CRAMP1: variants seen among roughly 807,000 people sequenced by gnomAD.
CRAMP1 encodes protein cramped-like.
Under a neutral mutation model 115.4 loss-of-function variants are expected in CRAMP1, and 50 were observed. The ratio of observed to expected loss-of-function variants is 0.43; its 90% CI spans 0.35 to 0.55. CRAMP1 has a LOEUF of 0.55. Among genes scored for constraint, CRAMP1 ranks in the 20% least tolerant of loss-of-function variants. The pLI, the probability that CRAMP1 is intolerant of heterozygous loss-of-function variation, is 0.01. For missense variants in CRAMP1, 1,679 were observed against 1,721.7 expected (o/e 0.98, Z 0.44); for synonymous variants, 866 against 745.4 (o/e 1.16, Z -2.64).
chr16:1,620,091 G>C (rs959970864), intron 2 of CRAMP1, among the ~76,000 whole-genome samples: 6 of 152,114 alleles, frequency 3.9e-5, no homozygotes, highest in African/African-American at 1.2e-4. Context: ...TTGCTTGAAG[G>C]GTCCCCCCAT....
chr16:1,666,450 C>A lies in CRAMP1; in HGVS notation c.2886C>A (p.Ala962=), dbSNP rs760973528. ...ASAIDLAATS[A]GILSGNPLPA... ...CTATCGACTTAGCAGCTACAAGTGC[C>A]GGCATCCTTTCCGGGAACCCCCTCC... The change falls in exon 16 of 21, where the codon GCC becomes GCA. Residue 962 remains alanine (A), a synonymous_variant. Coordinates refer to ENST00000397412, the MANE Select transcript of CRAMP1 (RefSeq NM_020825.4). The surrounding 1 kb of genome is among the most constrained non-coding windows in gnomAD (Gnocchi z 5.0). The A allele has an allele frequency of 6.2e-7, 1 of 1,613,590 alleles. No individual in the cohort carries two copies. Among genetic ancestry groups the A allele is most frequent in the Admixed American group, 1.7e-5 (1 of 59,976 alleles).
intron 2 of CRAMP1, among the ~76,000 whole-genome samples, chr16:1,624,682 G>T (rs2036494493): frequency 6.6e-6 from 1 of 152,114 alleles, no homozygotes; most frequent in Admixed American, 6.5e-5. Flanking sequence ...AGGTTCAAAC[G>T]ATTCTCCTGC....
chr16:1,655,894 G>C lies in CRAMP1; in HGVS notation c.1137G>C (p.Glu379Asp), dbSNP rs1191496741. Residue 379 changes from glutamate to aspartate, a missense_variant, in exon 10 of 21, where the codon GAG becomes GAC. Glu to Asp is a conservative substitution (Grantham distance 45). Around this residue, in one of 8 missense-constraint regions of CRAMP1, gnomAD observed 191 missense variants for 236.2 expected, o/e 0.81. Coordinates refer to ENST00000397412, the MANE Select transcript of CRAMP1 (RefSeq NM_020825.4). ...HEVRVRKTLE[E>D]RQLQDSCSAP... ...GCACTCAGCGGAAGACACTCGAGGA[G>C]CGGCAGCTGCAGGACTCATGCTCCG... 1.9e-6 allele frequency: 3 copies of C among 1,609,678 alleles called. No homozygotes were observed. The Middle Eastern group carries it at 5.0e-4, about 266-fold the overall frequency.
intron 3 of CRAMP1, among the ~76,000 whole-genome samples, chr16:1,629,807 T>C (rs1043768296): frequency 2.0e-5 from 3 of 152,214 alleles, no homozygotes; most frequent in African/African-American, 7.2e-5. Flanking sequence ...TTTTACTTTT[T>C]CTAAAGTTTT....
chr16:1,632,043 C>T (rs1000163863), intron 3 of CRAMP1, among the ~76,000 whole-genome samples, 169 bp from the exon 4 acceptor site: 14 of 152,164 alleles, frequency 9.2e-5, no homozygotes, highest in African/African-American at 2.9e-4. Context: ...CCTAAGGTTC[C>T]AGGGAGTCGA....
At chr16:1,652,097 GCTT>G (rs770420280) in intron 6 of CRAMP1, among the ~76,000 whole-genome samples, 20 of 152,204 alleles carry the variant, frequency 1.3e-4, no homozygotes, top group Non-Finnish European at 1.5e-4. Flanking sequence ...AGGACTGAGA[GCTT>G]CTGCTCTGAG....
intron 6 of CRAMP1, among the ~76,000 whole-genome samples, chr16:1,644,973 A>G (rs1300413928): frequency 6.6e-6 from 1 of 151,258 alleles, no homozygotes; most frequent in Non-Finnish European, 1.5e-5. Flanking sequence ...AAGCACTGAT[A>G]TTACAGGCAT....
At chr16:1,639,499 A>G (rs1256745368) in intron 5 of CRAMP1, among the ~76,000 whole-genome samples, 2 of 151,616 alleles carry the variant, frequency 1.3e-5, no homozygotes, top group Non-Finnish European at 2.9e-5. Context: ...CAAAGGTTAC[A>G]CTCTATGCAA....
At chr16:1,651,781 CAGAG>C (rs1317340155) in intron 6 of CRAMP1, among the ~76,000 whole-genome samples, 1 of 146,756 alleles carries the variant, frequency 6.8e-6, no homozygotes, top group African/African-American at 2.6e-5. Flanking sequence ...ACACAGGTCA[CAGAG>C]AGGTGGACTG....
At chr16:1,642,850 G>A (rs2036643787) in intron 6 of CRAMP1, among the ~76,000 whole-genome samples, 1 of 152,244 alleles carries the variant, frequency 6.6e-6, no homozygotes, top group Admixed American at 6.5e-5. Flanking sequence ...GCTTGAGGAC[G>A]GTGCACAGAG....
chr16:1,620,918 C>A (rs8058769), intron 2 of CRAMP1, among the ~76,000 whole-genome samples: 12,827 of 150,690 alleles, frequency 0.085, 618 homozygotes, highest in African/African-American at 0.12. Flanking sequence ...TCAGTTTCCC[C>A]CATTTCATTT....
chr16:1,649,070 AAG>A (rs1555500030), intron 6 of CRAMP1, among the ~76,000 whole-genome samples: 4 of 152,030 alleles, frequency 2.6e-5, no homozygotes, highest in African/African-American at 9.7e-5. Context: ...AAAAAAAAAA[AAG>A]AAGTTTGTCT....
At chr16:1,620,769 C>A in intron 2 of CRAMP1, 2 of 447,462 alleles carry the variant, frequency 4.5e-6, no homozygotes, top group South Asian at 1.6e-5. Flanking sequence ...CGACCCTGAT[C>A]CTCCAGCTCT....
rs2036956589 is a variant in CRAMP1, at chr16:1,675,140, C to G, written c.*1095C>G. ...ACATCTGGATGTGGTCAGACCTCAC[C>G]AAATATATGCCTTCGTGGTGGTCTC... is the stretch of plus-strand genomic sequence containing the variant. On this transcript the variant is annotated 3_prime_UTR_variant, in exon 21 of 21. Transcript: ENST00000397412. 1 of 152,274 alleles carries G rather than the reference C, an allele frequency of 6.6e-6. No individual in the cohort carries two copies. The highest frequency in any genetic ancestry group is 1.5e-5 in the Non-Finnish European group (1 of 68,066). 9.4% of individuals were successfully genotyped at this position (152,274 alleles called of 1,614,324 possible).
At chr16:1,665,512 A>C (rs2036866811) in intron 14 of CRAMP1, among the ~76,000 whole-genome samples, 1 of 152,076 alleles carries the variant, frequency 6.6e-6, no homozygotes, top group Admixed American at 6.6e-5. Flanking sequence ...CTGTACATTT[A>C]GTGGGGGCCT....
At chr16:1,621,591 G>A (rs561293753) in intron 2 of CRAMP1, among the ~76,000 whole-genome samples, 3 of 152,174 alleles carry the variant, frequency 2.0e-5, no homozygotes, top group Non-Finnish European at 2.9e-5. Context: ...TGGGGCTGCC[G>A]AGGGGCAGAG....
chr16:1,637,787 T>TC (rs981780173), intron 4 of CRAMP1, 37 bp from the exon 5 acceptor site: 2 of 1,170,718 alleles, frequency 1.7e-6, no homozygotes, highest in African/African-American at 3.1e-5. Context: ...CGCCTCCTGT[T>TC]CCCCTCTCTA....
intron 5 of CRAMP1, 125 bp downstream of exon 5, chr16:1,638,032 G>T: frequency 2.1e-6 from 1 of 479,080 alleles, no homozygotes; most frequent in Non-Finnish European, 3.7e-6. Flanking sequence ...TACTAGAAGA[G>T]GTGAAGAATA....
At chr16:1,619,711 C>T (rs928506810) in intron 2 of CRAMP1, among the ~76,000 whole-genome samples, 1 of 152,106 alleles carries the variant, frequency 6.6e-6, no homozygotes, top group Admixed American at 6.6e-5. Flanking sequence ...AGAGAGACAG[C>T]GCTGGTCAGA....
Sources: gnomAD v4.1 joint callset for allele counts (sites outside exome capture counted in the v4.1 genomes callset) on GRCh38, gnomAD v4.1.1 for gene constraint, gnomAD v4.1.1 regional missense constraint, Gnocchi (gnomAD v3.1) non-coding constraint, MANE v1.5 for transcripts, NCBI Gene and HGNC (gene_info 2026-07-23, HGNC 2026-07-21) for gene names.